Variants in RAB30 observed in about 807,000 individuals in gnomAD.
The protein encoded by RAB30 is RAB30, member RAS oncogene family.
In RAB30, 9 loss-of-function variants were observed where a neutral mutation model predicts 25.1. That is an observed-to-expected ratio of 0.36 (90% confidence interval 0.22 to 0.63). The LOEUF (loss-of-function observed/expected upper bound fraction) is 0.63. RAB30 is among the 20% of genes least tolerant of loss of function. The pLI is 0.69. For missense variants in RAB30, 140 were observed against 243.5 expected, an observed-to-expected ratio of 0.58 and a Z score of 2.83; for synonymous variants, 77 against 86.4, an observed-to-expected ratio of 0.89 and a Z score of 0.60.
At chr11:83,059,897 T>C (rs1858532274) in intron 1 of RAB30, among the ~76,000 whole-genome samples, 1 of 152,076 alleles carries the variant, frequency 6.6e-6, no homozygotes, top group Non-Finnish European at 1.5e-5. Flanking sequence ...GTCCAAGTGA[T>C]ATTAACAAAA....
At position 82,975,767 on chromosome 11, in the gene RAB30, TAA is replaced by T. The variant is rs1307022920; in HGVS notation, c.*6396_*6397del. On this transcript the variant is annotated 3_prime_UTR_variant, in exon 5 of 5. Transcript: ENST00000527633. ...TCTACATCTGATACCAATAAGAAGCTAAGAGTAATAAATACCTATCCTGACAT... is the reference window on the plus strand; with the variant it reads ...TCTACATCTGATACCAATAAGAAGCTGAGTAATAAATACCTATCCTGACAT... 1.3e-5 allele frequency: 2 copies of T among 152,160 alleles called. No homozygotes were observed. The highest frequency in any genetic ancestry group is 1.3e-4 in the Admixed American group (2 of 15,268). The allele number at this position is 152,160 out of a possible 1,614,324, so 9.4% of individuals were successfully genotyped here.
chr11:83,016,264 G>A (rs773578564), intron 1 of RAB30, among the ~76,000 whole-genome samples: 12 of 152,148 alleles, frequency 7.9e-5, no homozygotes, highest in South Asian at 2.1e-4. Flanking sequence ...AGAATTGGGG[G>A]AGTGGAGGAG....
At chr11:83,070,804 G>A (rs571913233) in intron 1 of RAB30, among the ~76,000 whole-genome samples, 5 of 152,236 alleles carry the variant, frequency 3.3e-5, no homozygotes, top group Non-Finnish European at 5.9e-5. Flanking sequence ...GGTTAACAGC[G>A]CTTCTAACTT....
At chr11:82,991,031 A>C (rs1447229927) in intron 3 of RAB30, among the ~76,000 whole-genome samples, 1 of 152,148 alleles carries the variant, frequency 6.6e-6, no homozygotes, top group African/African-American at 2.4e-5. Flanking sequence ...ATACTTGTAG[A>C]GGACACTGAT....
intron 3 of RAB30, chr11:82,992,303 T>A: frequency 2.2e-6 from 1 of 456,254 alleles, no homozygotes; most frequent in South Asian, 1.5e-5. Context: ...AGCATTTATG[T>A]GGATTTCATA....
intron 2 of RAB30, 107 bp downstream of exon 2, chr11:82,997,117 C>T (rs1856975662): frequency 3.4e-6 from 3 of 885,628 alleles, no homozygotes; most frequent in Non-Finnish European, 5.5e-6. Context: ...ACAGCTAAGA[C>T]CCTGGCATTG....
chr11:82,987,840 T>G, intron 3 of RAB30, 70 bp from the exon 4 acceptor site: 1 of 1,101,226 alleles, frequency 9.1e-7, no homozygotes, highest in African/African-American at 1.6e-5. Flanking sequence ...AAAAAAGCTT[T>G]GCCTTGCTTT....
intron 1 of RAB30, among the ~76,000 whole-genome samples, chr11:83,008,920 T>C (rs919218715): frequency 9.2e-5 from 14 of 152,082 alleles, no homozygotes; most frequent in African/African-American, 3.4e-4. Flanking sequence ...ACTCCTTAGG[T>C]AGGATGGTGT....
chr11:83,011,862 G>T (rs1047384454), intron 1 of RAB30, among the ~76,000 whole-genome samples: 1 of 151,990 alleles, frequency 6.6e-6, no homozygotes, highest in East Asian at 1.9e-4. Context: ...CCATTCTGCT[G>T]CCAAATGCAA....
At chr11:83,012,928 C>T (rs973577951) in intron 1 of RAB30, among the ~76,000 whole-genome samples, 30 of 152,156 alleles carry the variant, frequency 2.0e-4, no homozygotes, top group Non-Finnish European at 3.2e-4. Context: ...CACCTTTACT[C>T]ACAGGGCTCA....
chr11:83,022,199 C>T (rs1857594895), intron 1 of RAB30, among the ~76,000 whole-genome samples: 1 of 152,024 alleles, frequency 6.6e-6, no homozygotes, highest in Non-Finnish European at 1.5e-5. Flanking sequence ...TGCTCTGTTG[C>T]TCAGGCTGGA....
chr11:83,001,427 A>C (rs1857083198), intron 1 of RAB30, among the ~76,000 whole-genome samples: 2 of 151,880 alleles, frequency 1.3e-5, no homozygotes, highest in Admixed American at 1.3e-4. Context: ...CAGTCCTTCC[A>C]CTCAGCCTTC....
chr11:82,975,014 T>G lies in RAB30; in HGVS notation c.*7151A>C, dbSNP rs2121415558. On this transcript the variant is annotated 3_prime_UTR_variant, in exon 5 of 5. Transcript: ENST00000527633. ...GTTAGTTCAAATACATTTATGTAGC[T>G]CCCTTATATACTATCAAAGGAGCTC... 1 of 150,522 alleles carries G rather than the reference T, an allele frequency of 6.6e-6. No homozygotes were observed. The highest frequency in any genetic ancestry group is 2.0e-4 in the East Asian group (1 of 5,126). 9.3% of individuals were successfully genotyped at this position (150,522 alleles called of 1,614,324 possible).
At chr11:83,022,418 CA>C (rs1388524811) in intron 1 of RAB30, among the ~76,000 whole-genome samples, 1 of 152,152 alleles carries the variant, frequency 6.6e-6, no homozygotes, top group Non-Finnish European at 1.5e-5. Flanking sequence ...CTCAGCTTCC[CA>C]AAGTGTTGGT....
chr11:83,050,486 A>G (rs531204587), intron 1 of RAB30, among the ~76,000 whole-genome samples: 86 of 152,320 alleles, frequency 5.6e-4, no homozygotes, highest in Non-Finnish European at 1.0e-3. Flanking sequence ...GGGATCGCTG[A>G]AAATGAAAAG....
rs1590874248 is a variant in RAB30 at position 83,048,023 on chromosome 11, G to A, written c.-9+23668C>T. Among the ~76,000 whole-genome samples the A allele has an allele frequency of 2.0e-5, 3 of 152,134 alleles. No homozygotes were observed. The East Asian group carries it at 5.8e-4, about 29-fold the overall frequency. ...CCAACACTTTGGGAGATAAGAGGAT[G>A]GCTTGAGGCCAGGAGTTTGAGATTG... On this transcript the variant is annotated intron_variant, in intron 1 of 4. Transcript: ENST00000527633.
chr11:83,014,613 C>G (rs10792670), intron 1 of RAB30, among the ~76,000 whole-genome samples: 139 of 37,054 alleles, frequency 3.8e-3, no homozygotes, highest in East Asian at 0.012. Flanking sequence ...CAGAGAGAGA[C>G]AAAGAAAGAA....
intron 1 of RAB30, among the ~76,000 whole-genome samples, chr11:83,050,680 T>C (rs1436271173): frequency 6.6e-6 from 1 of 152,222 alleles, no homozygotes; most frequent in African/African-American, 2.4e-5. Flanking sequence ...AAATACTTTT[T>C]CTTACATTTT....
intron 1 of RAB30, among the ~76,000 whole-genome samples, chr11:83,022,280 C>T (rs1189386645): frequency 6.6e-6 from 1 of 152,128 alleles, no homozygotes; most frequent in African/African-American, 2.4e-5. Context: ...CCACCTCAGC[C>T]TCCCTTGTAG....
Sources: allele counts gnomAD v4.1 joint callset (sites outside exome capture counted in the v4.1 genomes callset), GRCh38; gene constraint gnomAD v4.1.1; transcripts MANE v1.5; gene names NCBI Gene and HGNC (gene_info 2026-07-23, HGNC 2026-07-21).